The following FGF14 variants were observed in gnomAD, a reference collection of about 807,000 sequenced individuals.
FGF14 encodes fibroblast growth factor 14.
A neutral mutation model predicts 25.5 loss-of-function variants in FGF14; 5 were observed. The observed-to-expected ratio is 0.20, with a 90% confidence interval of 0.10 to 0.41. The LOEUF (loss-of-function observed/expected upper bound fraction) is 0.41, where lower values mean the gene tolerates loss of function less well. FGF14 is among the 10% of genes least tolerant of loss of function. The pLI is 1.00. For missense variants in FGF14, 222 were observed against 320.1 expected (o/e 0.69, Z 2.34); for synonymous variants, 138 against 118.3 (o/e 1.17, Z -1.08).
chr13:101,734,999 T>C (rs561505280), intron 3 of FGF14, among the ~76,000 whole-genome samples: 9 of 152,328 alleles, frequency 5.9e-5, no homozygotes, highest in African/African-American at 2.2e-4. Flanking sequence ...TTCTCTTACT[T>C]TGAACAAAGA....
At chr13:102,061,439 T>A (rs989739107) in intron 1 of FGF14, among the ~76,000 whole-genome samples, 1 of 152,200 alleles carries the variant, frequency 6.6e-6, no homozygotes, top group Non-Finnish European at 1.5e-5. Flanking sequence ...CACAGCCCCA[T>A]GGCACGCCCT....
intron 1 of FGF14, among the ~76,000 whole-genome samples, chr13:101,996,108 A>G (rs914369900): frequency 6.6e-6 from 1 of 152,210 alleles, no homozygotes; most frequent in Non-Finnish European, 1.5e-5. Flanking sequence ...AAAACATCTC[A>G]TATACCCCAT....
At chr13:101,755,376 T>C (rs9518513) in intron 3 of FGF14, among the ~76,000 whole-genome samples, 30,447 of 149,244 alleles carry the variant, frequency 0.2, 3,584 homozygotes, top group East Asian at 0.58. Context: ...TGGTGTTTCA[T>C]GCCTGTAATC....
In FGF14 at chr13:101,928,442, T is replaced by G. The variant is rs115977441; in HGVS notation, c.209-53146A>C. Reference sequence around the variant, plus strand: ...TGTGTGTAGTTTTTGCTAACTTCAATCAACAGGGAAAGTCACTGAGCACAG... The same window carrying G: ...TGTGTGTAGTTTTTGCTAACTTCAAGCAACAGGGAAAGTCACTGAGCACAG... On this transcript the variant is annotated intron_variant, in intron 1 of 4. Coordinates refer to the FGF14 transcript ENST00000376131. Among the ~76,000 whole-genome samples, 1,113 of 152,066 alleles carry G rather than the reference T, an allele frequency of 7.3e-3. 13 individuals are homozygous for G. Among genetic ancestry groups the G allele is most frequent in the African/African-American group, 0.025 (1,045 of 41,498 alleles).
intron 3 of FGF14, among the ~76,000 whole-genome samples, chr13:101,850,455 A>C (rs2043711518): frequency 1.2e-5 from 1 of 81,478 alleles, no homozygotes. Context: ...CTCTGTCTCT[A>C]AAGGCAATAT....
intron 3 of FGF14, among the ~76,000 whole-genome samples, chr13:101,736,421 A>T (rs998172329): frequency 6.6e-6 from 1 of 152,206 alleles, no homozygotes; most frequent in East Asian, 1.9e-4. Flanking sequence ...CTTCTATAGA[A>T]ATTTAACAGA....
At chr13:101,999,116 T>C (rs1195186239) in intron 1 of FGF14, among the ~76,000 whole-genome samples, 1 of 152,190 alleles carries the variant, frequency 6.6e-6, no homozygotes, top group East Asian at 1.9e-4. Flanking sequence ...AAGCAATCAA[T>C]GAGAAAACCT....
At chr13:102,016,101 C>T (rs1256604707) in intron 1 of FGF14, among the ~76,000 whole-genome samples, 1 of 151,984 alleles carries the variant, frequency 6.6e-6, no homozygotes, top group Non-Finnish European at 1.5e-5. Flanking sequence ...ATTTGAGTGG[C>T]CAATATACGC....
intron 1 of FGF14, among the ~76,000 whole-genome samples, chr13:102,363,773 T>G (rs1171445235): frequency 1.3e-5 from 2 of 152,190 alleles, no homozygotes; most frequent in African/African-American, 2.4e-5. Context: ...ATAGTTTGAT[T>G]GATTTCTTCT....
At chr13:102,219,568 C>A (rs1226863735) in intron 1 of FGF14, among the ~76,000 whole-genome samples, 1 of 152,152 alleles carries the variant, frequency 6.6e-6, no homozygotes, top group Non-Finnish European at 1.5e-5. Flanking sequence ...ATGCTTCAGG[C>A]AGAAATTTAC....
At chr13:102,300,924 C>G (rs985061464) in intron 1 of FGF14, among the ~76,000 whole-genome samples, 1 of 82,246 alleles carries the variant, frequency 1.2e-5, no homozygotes, top group Non-Finnish European at 2.5e-5. Context: ...CACACAGACA[C>G]ACACACACAC....
intron 3 of FGF14, among the ~76,000 whole-genome samples, chr13:101,804,395 G>A (rs2041079781): frequency 6.6e-6 from 1 of 152,152 alleles, no homozygotes; most frequent in Non-Finnish European, 1.5e-5. Context: ...GTGTGTAAAG[G>A]TAAGTACTGC....
At chr13:102,175,536 T>C (rs2048411918) in intron 1 of FGF14, among the ~76,000 whole-genome samples, 1 of 152,022 alleles carries the variant, frequency 6.6e-6, no homozygotes, top group Non-Finnish European at 1.5e-5. Flanking sequence ...TAGGACTATA[T>C]CCTCAAAAGC....
At chr13:101,838,278 G>C (rs1594432810) in intron 3 of FGF14, among the ~76,000 whole-genome samples, 1 of 151,922 alleles carries the variant, frequency 6.6e-6, no homozygotes, top group African/African-American at 2.4e-5. Flanking sequence ...AGTCTCATCT[G>C]TGACCCTGCA....
intron 1 of FGF14, among the ~76,000 whole-genome samples, chr13:101,993,882 G>T (rs1463945332): frequency 6.6e-6 from 1 of 151,794 alleles, no homozygotes; most frequent in African/African-American, 2.4e-5. Flanking sequence ...TAACAAACCT[G>T]CACATTGTGC....
intron 1 of FGF14, among the ~76,000 whole-genome samples, chr13:102,256,666 A>T (rs2052455336): frequency 6.6e-6 from 1 of 152,246 alleles, no homozygotes; most frequent in South Asian, 2.1e-4. Flanking sequence ...AGCAGAACTT[A>T]CTTCCTCCAC....
chr13:102,104,494 T>A (rs2044809400), intron 1 of FGF14, among the ~76,000 whole-genome samples: 1 of 152,188 alleles, frequency 6.6e-6, no homozygotes, highest in Non-Finnish European at 1.5e-5. Flanking sequence ...ATTTGCATTC[T>A]ACAAGGCACA....
chr13:102,115,302 C>T (rs1247239840), intron 1 of FGF14, among the ~76,000 whole-genome samples: 1 of 152,170 alleles, frequency 6.6e-6, no homozygotes, highest in Non-Finnish European at 1.5e-5. Context: ...GTGCTTACAA[C>T]AGGAAGGCTT....
chr13:102,370,950 A>C (rs994040738), intron 1 of FGF14, among the ~76,000 whole-genome samples: 2 of 151,688 alleles, frequency 1.3e-5, no homozygotes, highest in South Asian at 2.1e-4. Flanking sequence ...AAAAAAAAAA[A>C]CCAACAGAAA....
Sources: allele counts gnomAD v4.1 joint callset (sites outside exome capture counted in the v4.1 genomes callset), GRCh38; gene constraint gnomAD v4.1.1; transcripts MANE v1.5; gene names NCBI Gene and HGNC (gene_info 2026-07-23, HGNC 2026-07-21).